The following PACS2 variants were observed in gnomAD, a reference collection of about 807,000 sequenced individuals.
PACS2 encodes phosphofurin acidic cluster sorting protein 2.
PACS2 carries 36 observed loss-of-function variants against 113.0 expected under a neutral mutation model. The ratio of observed to expected loss-of-function variants is 0.32; its 90% CI spans 0.24 to 0.42. The LOEUF (loss-of-function observed/expected upper bound fraction) is 0.42, where lower values mean the gene tolerates loss of function less well. Among genes scored for constraint, PACS2 ranks in the 10% least tolerant of loss-of-function variants. The pLI, the probability that PACS2 is intolerant of heterozygous loss-of-function variation, is 1.00. For missense variants in PACS2, 1,015 were observed against 1,239.5 expected (o/e 0.82, Z 2.72); for synonymous variants, 589 against 536.1 (o/e 1.10, Z -1.36).
intron 6 of PACS2, 44 bp downstream of exon 6, chr14:105,368,191 G>A (rs782675341): frequency 1.1e-5 from 15 of 1,345,990 alleles, no homozygotes; most frequent in Middle Eastern, 2.0e-4. Flanking sequence ...GGCTCACACC[G>A]GGTGTCCTGG....
At chr14:105,383,717 T>C in intron 16 of PACS2, 1 of 555,618 alleles carries the variant, frequency 1.8e-6, no homozygotes, top group African/African-American at 1.9e-5. Flanking sequence ...CAGTAACACT[T>C]TGTTAATTTT....
In PACS2 at chr14:105,393,317, C is replaced by A; in HGVS notation, c.2578C>A (p.Gln860Lys). ...CCGGCTCATCTGCACTGCCAGGCAG[C>A]AGCAGAACATGCTGCGGGGTGAGCA... ...ISRLICTARQ[Q>K]QNMLRVLIDG... The change falls in exon 24 of 25, where the codon CAG (glutamine) becomes AAG (lysine). Residue 860 changes from glutamine (Q) to lysine (K), a missense_variant. Gln to Lys is a moderately conservative substitution (Grantham distance 53). Coordinates refer to ENST00000447393, the MANE Select transcript of PACS2 (RefSeq NM_001100913.3). 6.2e-7 allele frequency: 1 copy of A among 1,610,652 alleles called. No homozygotes were observed. The highest frequency in any genetic ancestry group is 8.5e-7 in the Non-Finnish European group (1 of 1,178,978).
intron 4 of PACS2, among the ~76,000 whole-genome samples, chr14:105,362,328 G>T (rs1555406811): frequency 6.7e-6 from 1 of 149,886 alleles, no homozygotes; most frequent in Non-Finnish European, 1.5e-5. Flanking sequence ...TGAGGCAGGA[G>T]AATGGTGTGA....
At chr14:105,377,962 C>A (rs60505080) in intron 9 of PACS2, among the ~76,000 whole-genome samples, 12,119 of 152,206 alleles carry the variant, frequency 0.08, 1,633 homozygotes, top group African/African-American at 0.28. Context: ...CGTGTGGCTG[C>A]GGGATGGGGG....
chr14:105,335,742 C>G (rs2059491499), intron 1 of PACS2, among the ~76,000 whole-genome samples: 2 of 152,250 alleles, frequency 1.3e-5, no homozygotes, highest in Non-Finnish European at 2.9e-5. Context: ...GACCTTCTGT[C>G]CTCATTAGCA....
chr14:105,305,711 G>A (rs2058167560), intron 1 of PACS2, among the ~76,000 whole-genome samples: 2 of 152,218 alleles, frequency 1.3e-5, no homozygotes, highest in African/African-American at 4.8e-5. Flanking sequence ...GACCGGTTAG[G>A]TGCCCCATGC....
intron 13 of PACS2, 29 bp from the exon 14 acceptor site, chr14:105,382,448 T>G: frequency 7.6e-7 from 1 of 1,316,638 alleles, no homozygotes; most frequent in Non-Finnish European, 1.1e-6. Context: ...GCTTCTCTTC[T>G]GGGTGTGGAC....
rs587693335 is a variant in PACS2 at position 105,380,827 on chromosome 14, G to A, written c.1126-130G>A. On this transcript the variant is annotated intron_variant, in intron 11 of 24. Transcript: ENST00000447393. ...TAGGCTCCCTGGTCAGCGTATGGCC[G>A]GGTCCACATGTAGGAGCCACGGCCT... 2.4e-4 allele frequency: 203 copies of A among 842,396 alleles called. No homozygotes were observed. In the East Asian group the frequency reaches 3.6e-3, roughly 15 times the overall value. 52.2% of individuals were successfully genotyped at this position (842,396 alleles called of 1,614,324 possible).
chr14:105,300,944 G>A (rs2057991281), exon 1 of PACS2: 1 of 155,676 alleles, frequency 6.4e-6, no homozygotes, highest in Non-Finnish European at 1.4e-5. Context: ...GACCTGCGGG[G>A]GCTGGGCTTC....
intron 1 of PACS2, among the ~76,000 whole-genome samples, chr14:105,322,503 T>C (rs997158098): frequency 1.1e-4 from 17 of 151,942 alleles, no homozygotes; most frequent in African/African-American, 4.1e-4. Context: ...TGACCTCAAA[T>C]GATCTGCCCG....
chr14:105,374,471 CAG>C (rs1314390998), intron 8 of PACS2: 6 of 152,194 alleles, frequency 3.9e-5, no homozygotes, highest in Non-Finnish European at 8.8e-5. Context: ...AATAAAGACA[CAG>C]ACAGTCTAGT....
rs1256952561 is a variant in PACS2 at position 105,329,953 on chromosome 14, C to T, written c.119+14916C>T. Among the ~76,000 whole-genome samples the T allele has an allele frequency of 2.6e-5, 4 of 152,160 alleles. No individual in the cohort carries two copies. The highest frequency in any genetic ancestry group is 5.9e-5 in the Non-Finnish European group (4 of 68,030). ...GTGGTCTGCACGTCCATGCCAGGGC[C>T]GAGCCCCCAGCTGGGATGCCCTGGG... is the stretch of plus-strand genomic sequence containing the variant. On this transcript the variant is annotated intron_variant, in intron 1 of 24. Coordinates refer to ENST00000447393, the MANE Select transcript of PACS2 (RefSeq NM_001100913.3). This position sits in a 1 kb window ranked among gnomAD's most constrained non-coding sequence, Gnocchi z 6.4.
chr14:105,334,465 G>A (rs1005890598), intron 1 of PACS2, among the ~76,000 whole-genome samples: 3 of 146,468 alleles, frequency 2.0e-5, no homozygotes, highest in Middle Eastern at 3.6e-3. Context: ...CAGTGTGTGC[G>A]TAGAGTCCCA....
chr14:105,325,208 T>G, intron 1 of PACS2, among the ~76,000 whole-genome samples: 1 of 111,776 alleles, frequency 8.9e-6, no homozygotes, highest in African/African-American at 3.5e-5. Context: ...GAGGGGTCAG[T>G]GCTGTGGCTC....
intron 2 of PACS2, among the ~76,000 whole-genome samples, chr14:105,351,137 C>T (rs184913278): frequency 5.9e-5 from 9 of 152,340 alleles, no homozygotes; most frequent in East Asian, 1.9e-4. Flanking sequence ...GTGTCCCGCG[C>T]GCCGGCCTCC....
At chr14:105,334,636 C>T (rs879263470) in intron 1 of PACS2, among the ~76,000 whole-genome samples, 15 of 152,158 alleles carry the variant, frequency 9.9e-5, no homozygotes, top group Non-Finnish European at 2.2e-4. Context: ...CCTGAGGGTC[C>T]AGTGTGTGGG....
chr14:105,321,773 C>T (rs114382916), intron 1 of PACS2, among the ~76,000 whole-genome samples: 2,172 of 151,652 alleles, frequency 0.014, 57 homozygotes, highest in African/African-American at 0.05. Context: ...TCTAGTAATG[C>T]TTTTTGTCTT....
intron 1 of PACS2, among the ~76,000 whole-genome samples, chr14:105,344,044 T>C (rs981442373): frequency 2.7e-5 from 4 of 148,104 alleles, no homozygotes; most frequent in Non-Finnish European, 6.0e-5. Flanking sequence ...CTGGCCTACA[T>C]GTAGCTGGGA....
chr14:105,390,883 C>A, intron 20 of PACS2: 1 of 416,190 alleles, frequency 2.4e-6, no homozygotes, highest in Non-Finnish European at 4.4e-6. Flanking sequence ...GGGCCTATCC[C>A]CGTCGGCCCG....
Sources: gnomAD v4.1 joint callset for allele counts (sites outside exome capture counted in the v4.1 genomes callset) on GRCh38, gnomAD v4.1.1 for gene constraint, Gnocchi (gnomAD v3.1) non-coding constraint, MANE v1.5 for transcripts, NCBI Gene and HGNC (gene_info 2026-07-23, HGNC 2026-07-21) for gene names.